KCNT2: variants seen among roughly 807,000 people sequenced by gnomAD.
The protein encoded by KCNT2 is potassium sodium-activated channel subfamily T member 2, also known as potassium channel subfamily T member 2.
KCNT2 carries 67 observed loss-of-function variants against 153.8 expected under a neutral mutation model. That is an observed-to-expected ratio of 0.44 (90% CI 0.36 to 0.53). The LOEUF is 0.53. KCNT2 is among the 20% of genes least tolerant of loss of function. KCNT2 has a pLI of 0.00. For synonymous variants in KCNT2, 500 were observed against 458.8 expected (o/e 1.09, Z -1.15); for missense variants, 975 against 1,354.8 (o/e 0.72, Z 4.40).
At chr1:196,343,202 A>G (rs1180696194) in intron 14 of KCNT2, 6 of 152,230 alleles carry the variant, frequency 3.9e-5, no homozygotes, top group African/African-American at 1.2e-4. Context: ...GACATCCCAC[A>G]AAAGTATTTT....
intron 1 of KCNT2, among the ~76,000 whole-genome samples, chr1:196,584,393 TGAG>T (rs1351418050): frequency 6.6e-6 from 1 of 151,982 alleles, no homozygotes; most frequent in Non-Finnish European, 1.5e-5. Context: ...AGTATGAAAA[TGAG>T]CAGCTTTTAT....
intron 12 of KCNT2, among the ~76,000 whole-genome samples, chr1:196,419,688 C>G (rs114393908): frequency 0.015 from 2,297 of 152,076 alleles, 67 homozygotes; most frequent in African/African-American, 0.052. Flanking sequence ...AAATATTTCC[C>G]TTCAGAATTT....
At chr1:196,564,312 G>A (rs1659810089) in intron 1 of KCNT2, among the ~76,000 whole-genome samples, 1 of 151,796 alleles carries the variant, frequency 6.6e-6, no homozygotes, top group Non-Finnish European at 1.5e-5. Flanking sequence ...TAAAAGACCT[G>A]TATCTTGCAA....
intron 25 of KCNT2, among the ~76,000 whole-genome samples, chr1:196,262,158 G>T (rs1657086829): frequency 6.6e-6 from 1 of 151,826 alleles, no homozygotes; most frequent in African/African-American, 2.4e-5. Flanking sequence ...AGTAGAAAGT[G>T]TCAGATACAC....
intron 1 of KCNT2, among the ~76,000 whole-genome samples, chr1:196,572,643 T>G (rs544682927): frequency 5.3e-4 from 80 of 152,160 alleles, no homozygotes; most frequent in Non-Finnish European, 9.3e-4. Context: ...CTAAGGGTGA[T>G]GGATACTATT....
At chr1:196,398,068 C>T (rs940315994) in intron 13 of KCNT2, among the ~76,000 whole-genome samples, 3 of 151,400 alleles carry the variant, frequency 2.0e-5, no homozygotes, top group African/African-American at 7.3e-5. Flanking sequence ...AGTTCACATG[C>T]ATCTTTTTCT....
intron 1 of KCNT2, among the ~76,000 whole-genome samples, chr1:196,602,454 C>T (rs961027143): frequency 6.6e-6 from 1 of 152,138 alleles, no homozygotes; most frequent in African/African-American, 2.4e-5. Context: ...AACATAATAC[C>T]GAATGTGACA....
intron 6 of KCNT2, 23 bp from the exon 7 acceptor site, chr1:196,467,809 A>T: frequency 6.7e-7 from 1 of 1,489,010 alleles, no homozygotes; most frequent in South Asian, 1.2e-5. Context: ...ACAAAACAAA[A>T]CTAGACTTTT....
chr1:196,354,543 T>A (rs1667018277), intron 14 of KCNT2, among the ~76,000 whole-genome samples: 1 of 151,736 alleles, frequency 6.6e-6, no homozygotes, highest in Non-Finnish European at 1.5e-5. Context: ...CTACAGAAAT[T>A]TTTGCATATA....
intron 1 of KCNT2, among the ~76,000 whole-genome samples, chr1:196,587,334 T>C (rs181377182): frequency 1.3e-5 from 2 of 152,046 alleles, no homozygotes; most frequent in East Asian, 1.9e-4. Flanking sequence ...ACTAGAGAGA[T>C]TACATAATTG....
Position 196,577,351 on chromosome 1 carries a change from A to T in KCNT2, c.95+30864T>A, listed in dbSNP as rs1047593508. Among the ~76,000 whole-genome samples, 6 of 152,210 alleles carry T rather than the reference A, an allele frequency of 3.9e-5. No homozygotes were observed. In the East Asian group the frequency reaches 1.2e-3, roughly 29 times the overall value. On this transcript the variant is annotated intron_variant, in intron 1 of 27. Coordinates refer to ENST00000294725, the MANE Select transcript of KCNT2 (RefSeq NM_198503.5). ...GGTGAACCTACAACTGCCTCAGTTT[A>T]TTCTTACTGTTTTGAGAAAATTTCC...
At chr1:196,358,236 A>T (rs1302085420) in intron 14 of KCNT2, among the ~76,000 whole-genome samples, 1 of 147,014 alleles carries the variant, frequency 6.8e-6, no homozygotes, top group African/African-American at 2.5e-5. Context: ...TTCCAAAACA[A>T]TTTTTTTTTT....
chr1:196,241,115 AC>A (rs1294801889), intron 26 of KCNT2, among the ~76,000 whole-genome samples: 2 of 152,008 alleles, frequency 1.3e-5, no homozygotes, highest in Non-Finnish European at 2.9e-5. Context: ...GCTGGGAGAT[AC>A]CACAGTATGT....
At chr1:196,565,462 G>A (rs569800981) in intron 1 of KCNT2, among the ~76,000 whole-genome samples, 31 of 151,544 alleles carry the variant, frequency 2.0e-4, no homozygotes, top group East Asian at 5.8e-4. Flanking sequence ...ATAAAATAAC[G>A]TGTTGAAAAA....
chr1:196,564,490 A>C (rs1659834815), intron 1 of KCNT2, among the ~76,000 whole-genome samples: 1 of 151,918 alleles, frequency 6.6e-6, no homozygotes, highest in African/African-American at 2.4e-5. Context: ...CAGAAATGGA[A>C]AAATCAATTC....
chr1:196,421,565 CT>C (rs1572392632), intron 12 of KCNT2, among the ~76,000 whole-genome samples: 1 of 152,114 alleles, frequency 6.6e-6, no homozygotes, highest in East Asian at 1.9e-4. Context: ...CTTAAATGAA[CT>C]GATGAATCAG....
intron 8 of KCNT2, among the ~76,000 whole-genome samples, chr1:196,431,530 A>G (rs1185741470): frequency 6.6e-6 from 1 of 152,136 alleles, no homozygotes; most frequent in South Asian, 2.1e-4. Flanking sequence ...TTAGACAGAA[A>G]TGAAGACTAT....
At chr1:196,375,186 G>A (rs1668853012) in intron 13 of KCNT2, among the ~76,000 whole-genome samples, 1 of 151,820 alleles carries the variant, frequency 6.6e-6, no homozygotes, top group African/African-American at 2.4e-5. Context: ...AGTGGCTAAT[G>A]TTTCAAAAAC....
rs777564877 is a variant in KCNT2, at chr1:196,608,358, G to C, written c.-49C>G. The C allele has an allele frequency of 6.1e-6, 9 of 1,464,432 alleles. No homozygotes were observed. The East Asian group carries it at 2.0e-4, about 33-fold the overall frequency. 90.7% of individuals were successfully genotyped at this position (1,464,432 alleles called of 1,614,324 possible). A position where few individuals can be genotyped will look rare whatever the true frequency, so the allele number is the denominator to read the frequency against. On this transcript the variant is annotated 5_prime_UTR_variant, in exon 1 of 28. Coordinates refer to ENST00000294725, the MANE Select transcript of KCNT2 (RefSeq NM_198503.5). ...TCAAACAACAAATGGAGGAGAGGAGGGAGAAAGAAAGAAAATATTGCGGAG... is the reference window on the plus strand; with the variant it reads ...TCAAACAACAAATGGAGGAGAGGAGCGAGAAAGAAAGAAAATATTGCGGAG...
Sources: gnomAD v4.1 joint callset for allele counts (sites outside exome capture counted in the v4.1 genomes callset) on GRCh38, gnomAD v4.1.1 for gene constraint, MANE v1.5 for transcripts, NCBI Gene and HGNC (gene_info 2026-07-23, HGNC 2026-07-21) for gene names.